Variants in CCDC39 observed in about 807,000 individuals in gnomAD.
CCDC39 encodes coiled-coil domain 39 molecular ruler complex subunit.
A neutral mutation model predicts 121.0 loss-of-function variants in CCDC39; 113 were observed. The observed-to-expected ratio is 0.93, with a 90% CI of 0.80 to 1.09. CCDC39 has a LOEUF of 1.09. CCDC39 is among the 50% of genes least tolerant of loss of function. The probability of loss-of-function intolerance (pLI) is 0.00; values close to 1 mark genes in which losing one functional copy is unlikely to be tolerated. For synonymous variants in CCDC39, 349 were observed against 352.2 expected (o/e 0.99, Z 0.10); for missense variants, 1,063 against 1,074.7 (o/e 0.99, Z 0.15).
At chr3:180,640,023 T>C (rs965828890) in intron 13 of CCDC39, among the ~76,000 whole-genome samples, 1 of 151,962 alleles carries the variant, frequency 6.6e-6, no homozygotes, top group African/African-American at 2.4e-5. Context: ...ATCCGAACTA[T>C]ATGGATGAAA....
At chr3:180,677,256 G>C (rs1040106453) in intron 1 of CCDC39, among the ~76,000 whole-genome samples, 3 of 121,680 alleles carry the variant, frequency 2.5e-5, no homozygotes, top group Non-Finnish European at 5.0e-5. Flanking sequence ...ACAATCATTT[G>C]AGGATAAAAT....
chr3:180,622,747 T>C (rs1717459736), intron 14 of CCDC39, among the ~76,000 whole-genome samples: 1 of 152,182 alleles, frequency 6.6e-6, no homozygotes, highest in South Asian at 2.1e-4. Context: ...CATCCTTTCA[T>C]CCCTGGCATA....
At chr3:180,621,340 C>T (rs1174905158) in intron 14 of CCDC39, among the ~76,000 whole-genome samples, 2 of 152,042 alleles carry the variant, frequency 1.3e-5, no homozygotes, top group Admixed American at 6.6e-5. Flanking sequence ...AGAAACCATT[C>T]TGTTTTCCAT....
In CCDC39 at chr3:180,660,691, A is replaced by G. The variant is rs750476985; in HGVS notation, c.395T>C (p.Leu132Ser). ...IFKATQKLDG[L>S]KCQMNWDQQA... ...CTGGTCCCAGTTCATTTGACATTTC[A>G]AACCATCCAATTTTTGAGTGGCTTT... Residue 132 changes from leucine to serine, a missense_variant, in exon 4 of 20, where the codon TTG becomes TCG. Leu to Ser is a moderately radical substitution (Grantham distance 145). Coordinates refer to ENST00000476379, the MANE Select transcript of CCDC39 (RefSeq NM_181426.2). 2.2e-5 allele frequency: 35 copies of G among 1,602,876 alleles called. 1 individual carries two copies. In the South Asian group the frequency reaches 2.4e-4, roughly 11 times the overall value.
chr3:180,623,011 G>A (rs1717465263), intron 14 of CCDC39, among the ~76,000 whole-genome samples: 1 of 151,468 alleles, frequency 6.6e-6, no homozygotes, highest in African/African-American at 2.4e-5. Context: ...GTTCTTCTTT[G>A]TATGCTTGGT....
Position 180,626,723 on chromosome 3 carries a change from C to T in CCDC39, c.1998+4746G>A, listed in dbSNP as rs553730848. 3.9e-5 allele frequency among the ~76,000 whole-genome samples: 6 copies of T among 151,982 alleles called. No individual in the cohort carries two copies. The East Asian group carries it at 1.2e-3, about 30-fold the overall frequency. On this transcript the variant is annotated intron_variant, in intron 14 of 19. Coordinates refer to ENST00000476379, the MANE Select transcript of CCDC39 (RefSeq NM_181426.2). ...CAGGGTTCCTCTCAGGTGAGGTGCT[C>T]AGGTGGGTAACAAGTTGTGAGGAGT...
chr3:180,646,540 T>G (rs1718071888), intron 11 of CCDC39, among the ~76,000 whole-genome samples: 1 of 152,074 alleles, frequency 6.6e-6, no homozygotes, highest in Non-Finnish European at 1.5e-5. Context: ...ATTAACAGAA[T>G]CCAATCATTT....
In CCDC39 at chr3:180,617,435, A is replaced by G. The variant is rs546677210; in HGVS notation, c.2266-469T>C. ...TAAAACAGCCTCAGGCAGGTCCTTCAGGAGATATTCCAGAAGAGGGCATTG... is the reference window on the plus strand; with the variant it reads ...TAAAACAGCCTCAGGCAGGTCCTTCGGGAGATATTCCAGAAGAGGGCATTG... On this transcript the variant is annotated intron_variant, in intron 16 of 19. Transcript: ENST00000476379. 1.1e-4 allele frequency: 76 copies of G among 683,828 alleles called. No homozygotes were observed. In the African/African-American group the frequency reaches 1.3e-3, roughly 12 times the overall value. 42.4% of individuals were successfully genotyped at this position (683,828 alleles called of 1,614,324 possible).
At chr3:180,635,721 C>T (rs186149974) in intron 13 of CCDC39, among the ~76,000 whole-genome samples, 1 of 152,286 alleles carries the variant, frequency 6.6e-6, no homozygotes, top group East Asian at 1.9e-4. Flanking sequence ...AGGGTATAGC[C>T]CCTGTGGCTG....
At chr3:180,652,307 G>T in intron 7 of CCDC39, 41 bp from the exon 8 acceptor site, 4 of 1,165,328 alleles carry the variant, frequency 3.4e-6, no homozygotes, top group African/African-American at 1.6e-5. Context: ...TATTTACTCT[G>T]TATCTTATAA....
chr3:180,652,621 C>T (rs893370774), intron 7 of CCDC39, among the ~76,000 whole-genome samples: 5 of 152,098 alleles, frequency 3.3e-5, no homozygotes, highest in African/African-American at 7.2e-5. Flanking sequence ...TTTGAAAAAT[C>T]TCAAAAGATT....
chr3:180,664,538 G>A (rs951310703), intron 1 of CCDC39, among the ~76,000 whole-genome samples: 13 of 152,162 alleles, frequency 8.5e-5, no homozygotes, highest in Admixed American at 2.6e-4. Flanking sequence ...GTGATTTGGA[G>A]ATTGCTGTGG....
intron 2 of CCDC39, 119 bp from the exon 3 acceptor site, chr3:180,662,126 T>A: frequency 1.2e-6 from 1 of 864,452 alleles, no homozygotes; most frequent in Non-Finnish European, 1.8e-6. Context: ...CATTAAGTAC[T>A]ACTAATTCCA....
chr3:180,663,730 C>T (rs1711801821), intron 2 of CCDC39, 137 bp downstream of exon 2: 4 of 825,800 alleles, frequency 4.8e-6, no homozygotes, highest in Admixed American at 6.5e-5. Flanking sequence ...TATCTACTTT[C>T]ATGTTCAAGG....
chr3:180,629,755 T>C (rs1041098742), intron 14 of CCDC39, among the ~76,000 whole-genome samples: 3 of 152,170 alleles, frequency 2.0e-5, no homozygotes. Flanking sequence ...CCAGAGAAGA[T>C]GGAAGATAAG....
In CCDC39 at chr3:180,654,836, C is replaced by A; in HGVS notation, c.856G>T (p.Ala286Ser). 1.2e-6 allele frequency: 2 copies of A among 1,610,046 alleles called. No homozygotes were observed. The change falls in exon 7 of 20, where the codon GCT becomes TCT. Residue 286 changes from alanine (A) to serine (S), a missense_variant. Transcript: ENST00000476379. The part of the protein sequence containing the change: ...NTEFEKRISV[A>S]DRKLLKCRTA... ...CTACATTTTAAAAGTTTACGATCAG[C>A]CACAGAAATTCTTTTCTCAAACTCT...
chr3:180,658,841 A>G (rs993233542), intron 6 of CCDC39, among the ~76,000 whole-genome samples: 5 of 152,052 alleles, frequency 3.3e-5, no homozygotes, highest in African/African-American at 1.2e-4. Context: ...CTGACTCTGA[A>G]TTCCTTCTCT....
chr3:180,659,526 C>A lies in CCDC39; in HGVS notation c.664G>T (p.Glu222Ter), dbSNP rs1047910260. 10 of 1,613,276 alleles carry A rather than the reference C, an allele frequency of 6.2e-6. No individual in the cohort carries two copies. The highest frequency in any genetic ancestry group is 4.0e-5 in the African/African-American group (3 of 75,022). ...DFRKIHNERQ[E>*]LIKQWENTIE... ...GTGTTCTCCCATTGTTTAATGAGTT[C>A]TTGTCTTTCATTATGAATCTTACGA... The change falls in exon 6 of 20, where the codon GAA (glutamate) becomes TAA (stop). Residue 222 changes from glutamate to a stop codon, truncating the protein, a stop_gained. Coordinates refer to ENST00000476379, the MANE Select transcript of CCDC39 (RefSeq NM_181426.2). LOFTEE classifies it high-confidence loss of function.
chr3:180,655,769 T>A (rs1711564086), intron 6 of CCDC39, among the ~76,000 whole-genome samples: 2 of 152,060 alleles, frequency 1.3e-5, no homozygotes, highest in Non-Finnish European at 2.9e-5. Context: ...GTGAAAAAAT[T>A]CAAATGTCAT....
Sources: allele counts gnomAD v4.1 joint callset (sites outside exome capture counted in the v4.1 genomes callset), GRCh38; gene constraint gnomAD v4.1.1; transcripts MANE v1.5; gene names NCBI Gene and HGNC (gene_info 2026-07-23, HGNC 2026-07-21).